The following PPP2R2B variants were observed in gnomAD, a reference collection of about 807,000 sequenced individuals.
The protein encoded by PPP2R2B is serine/threonine-protein phosphatase 2A 55 kDa regulatory subunit B beta isoform.
Under a neutral mutation model 46.0 loss-of-function variants are expected in PPP2R2B, and 5 were observed. The observed-to-expected ratio is 0.11, with a 90% CI of 0.06 to 0.23. The LOEUF (loss-of-function observed/expected upper bound fraction) is 0.23, where lower values mean the gene tolerates loss of function less well. PPP2R2B is among the 10% of genes least tolerant of loss of function. PPP2R2B has a pLI of 1.00. For missense variants in PPP2R2B, 367 were observed against 575.0 expected, an observed-to-expected ratio of 0.64 and a Z score of 3.70; for synonymous variants, 215 against 206.7, an observed-to-expected ratio of 1.04 and a Z score of -0.34.
chr5:146,712,661 G>A (rs1424102807), intron 2 of PPP2R2B, among the ~76,000 whole-genome samples: 3 of 152,180 alleles, frequency 2.0e-5, no homozygotes, highest in African/African-American at 7.2e-5. Context: ...CTGATCACCA[G>A]GGTTGATTTG....
intron 1 of PPP2R2B, among the ~76,000 whole-genome samples, chr5:146,891,988 G>T (rs10066637): frequency 1.3e-5 from 2 of 152,178 alleles, no homozygotes; most frequent in African/African-American, 4.8e-5. Flanking sequence ...TGAAGGATGG[G>T]AAGACTCATG....
At chr5:146,803,168 T>A (rs751814139) in intron 2 of PPP2R2B, among the ~76,000 whole-genome samples, 51 of 152,346 alleles carry the variant, frequency 3.3e-4, no homozygotes, top group Admixed American at 9.8e-4. Context: ...CAGCTACTAT[T>A]ATTTAGCTGA....
chr5:146,824,309 T>A (rs1758439846), intron 2 of PPP2R2B, among the ~76,000 whole-genome samples: 1 of 147,334 alleles, frequency 6.8e-6, no homozygotes, highest in Non-Finnish European at 1.5e-5. Flanking sequence ...ACAGGGAAGA[T>A]GTTCACATTG....
At chr5:147,009,138 A>C (rs1439522127) in intron 1 of PPP2R2B, among the ~76,000 whole-genome samples, 1 of 152,168 alleles carries the variant, frequency 6.6e-6, no homozygotes, top group East Asian at 1.9e-4. Context: ...GAAGATCAAG[A>C]AAAACTACAC....
chr5:146,935,462 G>A (rs1329332820), intron 1 of PPP2R2B, among the ~76,000 whole-genome samples: 1 of 152,150 alleles, frequency 6.6e-6, no homozygotes, highest in South Asian at 2.1e-4. Flanking sequence ...CTATGACACT[G>A]TCTAATGAAG....
At chr5:146,652,600 AG>A (rs1293044951) in intron 5 of PPP2R2B, among the ~76,000 whole-genome samples, 1 of 152,140 alleles carries the variant, frequency 6.6e-6, no homozygotes, top group Non-Finnish European at 1.5e-5. Flanking sequence ...CCAGGCCAGG[AG>A]GGGAGTGAAA....
At chr5:146,808,386 C>T (rs1490131066) in intron 2 of PPP2R2B, among the ~76,000 whole-genome samples, 4 of 152,184 alleles carry the variant, frequency 2.6e-5, no homozygotes, top group Non-Finnish European at 1.5e-5. Flanking sequence ...TTTAGAGAAT[C>T]CAATTGCTGA....
At chr5:146,895,721 T>C (rs1011939088) in intron 1 of PPP2R2B, among the ~76,000 whole-genome samples, 5 of 152,224 alleles carry the variant, frequency 3.3e-5, no homozygotes, top group Non-Finnish European at 5.9e-5. Context: ...CATATTTTCA[T>C]ACTATTTTGT....
chr5:146,918,362 T>A (rs1763468774), intron 1 of PPP2R2B: 1 of 152,174 alleles, frequency 6.6e-6, no homozygotes, highest in Admixed American at 6.5e-5. Context: ...GGGCAGGATT[T>A]TTGCCTTTTA....
At chr5:146,970,191 T>C (rs573511292) in intron 1 of PPP2R2B, among the ~76,000 whole-genome samples, 1 of 152,210 alleles carries the variant, frequency 6.6e-6, no homozygotes, top group Middle Eastern at 3.4e-3. Flanking sequence ...AACAACTATT[T>C]CCTCAAGGCT....
In PPP2R2B at chr5:146,588,567, C is replaced by CCAT. The variant is rs1312284013; in HGVS notation, c.*1377_*1379dup. The CCAT allele has an allele frequency of 6.6e-6, 1 of 152,140 alleles. No individual in the cohort carries two copies. The allele number at this position is 152,140 out of a possible 1,614,324, so 9.4% of individuals were successfully genotyped here. A position where few individuals can be genotyped will look rare whatever the true frequency, so the allele number is the denominator to read the frequency against. ...CCAGAACCAGTTTTCTGGACTCCAC[C>CCAT]CATCTACTTTCCTAAGTTTATAAAT... On this transcript the variant is annotated 3_prime_UTR_variant, in exon 10 of 10. Transcript: ENST00000394411.
intron 7 of PPP2R2B, among the ~76,000 whole-genome samples, chr5:146,631,968 A>G (rs1194302221): frequency 6.6e-6 from 1 of 151,810 alleles, no homozygotes; most frequent in African/African-American, 2.4e-5. Flanking sequence ...TCTGGCGGCA[A>G]TGAGGCCTGG....
intron 7 of PPP2R2B, among the ~76,000 whole-genome samples, chr5:146,606,719 T>G (rs1188475281): frequency 6.6e-6 from 1 of 152,204 alleles, no homozygotes; most frequent in Non-Finnish European, 1.5e-5. Context: ...CTGGGTTTTC[T>G]GTCTGGGCTG....
At chr5:146,799,538 G>A (rs990090473) in intron 2 of PPP2R2B, among the ~76,000 whole-genome samples, 2 of 152,178 alleles carry the variant, frequency 1.3e-5, no homozygotes, top group Non-Finnish European at 2.9e-5. Flanking sequence ...TGCCAATCTA[G>A]CCTGAGACAA....
At chr5:146,791,094 C>A (rs562196273) in intron 2 of PPP2R2B, among the ~76,000 whole-genome samples, 25 of 152,262 alleles carry the variant, frequency 1.6e-4, no homozygotes, top group East Asian at 1.4e-3. Context: ...AGTCACCTAT[C>A]TTTTAGGACC....
intron 2 of PPP2R2B, among the ~76,000 whole-genome samples, chr5:146,705,147 G>A (rs1157493058): frequency 1.3e-5 from 2 of 152,150 alleles, no homozygotes; most frequent in African/African-American, 4.8e-5. Flanking sequence ...ATGCAATTTA[G>A]TTTTCAGAGC....
At chr5:146,802,024 G>A (rs897085412) in intron 2 of PPP2R2B, among the ~76,000 whole-genome samples, 1 of 152,076 alleles carries the variant, frequency 6.6e-6, no homozygotes. Context: ...TCCTCGGCTG[G>A]GTCCAAATGA....
At chr5:146,696,116 T>G (rs1220941831) in intron 4 of PPP2R2B, among the ~76,000 whole-genome samples, 2 of 152,150 alleles carry the variant, frequency 1.3e-5, no homozygotes, top group Non-Finnish European at 2.9e-5. Flanking sequence ...AGTTTTTTTT[T>G]TTTTTGAGAT....
intron 2 of PPP2R2B, among the ~76,000 whole-genome samples, chr5:146,747,808 C>T (rs6580442): frequency 0.84 from 128,601 of 152,242 alleles, 54,425 homozygotes; most frequent in Non-Finnish European, 0.86. Context: ...AGTGCAAACA[C>T]ACTTATTAAG....
Sources: allele counts gnomAD v4.1 joint callset (sites outside exome capture counted in the v4.1 genomes callset), GRCh38; gene constraint gnomAD v4.1.1; transcripts MANE v1.5; gene names NCBI Gene and HGNC (gene_info 2026-07-23, HGNC 2026-07-21).